Variants in ARHGAP42 observed in about 807,000 individuals in gnomAD.
ARHGAP42 encodes the protein rho GTPase-activating protein 42.
Under a neutral mutation model 125.0 loss-of-function variants are expected in ARHGAP42, and 63 were observed. The observed-to-expected ratio is 0.50, with a 90% CI of 0.41 to 0.62. The LOEUF is 0.62. Among genes scored for constraint, ARHGAP42 ranks in the 20% least tolerant of loss-of-function variants. The pLI is 0.00. For missense variants in ARHGAP42, 766 were observed against 1,024.2 expected (o/e 0.75, Z 3.44); for synonymous variants, 339 against 351.0 (o/e 0.97, Z 0.38).
At position 100,924,473 on chromosome 11, in the gene ARHGAP42, C is replaced by G. The variant is rs555801058; in HGVS notation, c.597+2869C>G. Reference sequence around the variant, plus strand: ...CTTGAGGTCAGGAGTTCGAGACCAGCCTGACCTATATGGTGAAACCCCGTC... The same window carrying G: ...CTTGAGGTCAGGAGTTCGAGACCAGGCTGACCTATATGGTGAAACCCCGTC... On this transcript the variant is annotated intron_variant, in intron 6 of 23. Coordinates refer to ENST00000298815, the MANE Select transcript of ARHGAP42 (RefSeq NM_152432.4). 1.9e-3 allele frequency among the ~76,000 whole-genome samples: 282 copies of G among 151,908 alleles called. 3 individuals are homozygous for G. Among genetic ancestry groups the G allele is most frequent in the African/African-American group, 6.4e-3 (266 of 41,328 alleles).
At chr11:100,797,244 T>C (rs1228623972) in intron 3 of ARHGAP42, among the ~76,000 whole-genome samples, 4 of 152,180 alleles carry the variant, frequency 2.6e-5, no homozygotes, top group African/African-American at 9.7e-5. Flanking sequence ...ATCCAAAAGA[T>C]CTGGCTGAGA....
chr11:100,986,340 T>C (rs1412582071), intron 22 of ARHGAP42: 3 of 295,864 alleles, frequency 1.0e-5, no homozygotes, highest in Admixed American at 9.5e-5. Flanking sequence ...GACATGGACA[T>C]AGCTGGCCTG....
intron 10 of ARHGAP42, among the ~76,000 whole-genome samples, chr11:100,945,353 T>TA (rs1867987827): frequency 6.6e-6 from 1 of 152,076 alleles, no homozygotes; most frequent in African/African-American, 2.4e-5. Flanking sequence ...AAACTGCTGT[T>TA]AATGTGGATA....
Position 100,705,016 on chromosome 11 carries a change from A to C in ARHGAP42, c.154+17184A>C, listed in dbSNP as rs59496430. Among the ~76,000 whole-genome samples the C allele has an allele frequency of 7.2e-3, 474 of 66,056 alleles. 2 individuals are homozygous for C. Among genetic ancestry groups the C allele is most frequent in the East Asian group, 0.051 (99 of 1,936 alleles). 43.3% of individuals were successfully genotyped at this position (66,056 alleles called of 152,430 possible). A position where few individuals can be genotyped will look rare whatever the true frequency, so the allele number is the denominator to read the frequency against. On this transcript the variant is annotated intron_variant, in intron 1 of 23. Coordinates refer to ENST00000298815, the MANE Select transcript of ARHGAP42 (RefSeq NM_152432.4). Reference sequence around the variant, plus strand: ...CAAACCCCAACAACAACAACAACAAAAAAAAAAAAAAAAAAAAGAGAGAAG... The same window carrying C: ...CAAACCCCAACAACAACAACAACAACAAAAAAAAAAAAAAAAAGAGAGAAG...
chr11:100,826,957 T>G lies in ARHGAP42; in HGVS notation c.312+31791T>G, dbSNP rs185893048. On this transcript the variant is annotated intron_variant, in intron 3 of 23. Transcript: ENST00000298815. The stretch of plus-strand genomic sequence containing the variant: ...GAGGGTGGCAACGGGGAAAGAATTT[T>G]GTGAGAAGGGTTTTTTGGGTGAATT... 1.4e-3 allele frequency among the ~76,000 whole-genome samples: 219 copies of G among 151,950 alleles called. 2 individuals are homozygous for G. Among genetic ancestry groups the G allele is most frequent in the African/African-American group, 5.2e-3 (214 of 41,442 alleles).
rs559186620 is a variant in ARHGAP42 at position 100,864,617 on chromosome 11, C to T, written c.384+4992C>T. The stretch of plus-strand genomic sequence containing the variant: ...AAGGAGGCCAAAGGCTCATCTTCCA[C>T]ATATAGATGTGTATTATACAGAAAC... On this transcript the variant is annotated intron_variant, in intron 4 of 23. Coordinates refer to ENST00000298815, the MANE Select transcript of ARHGAP42 (RefSeq NM_152432.4). 5.3e-5 allele frequency among the ~76,000 whole-genome samples: 8 copies of T among 152,278 alleles called. No homozygotes were observed. The South Asian group carries it at 6.2e-4, about 12-fold the overall frequency.
intron 3 of ARHGAP42, among the ~76,000 whole-genome samples, chr11:100,850,077 G>C (rs902810714): frequency 6.6e-6 from 1 of 152,022 alleles, no homozygotes; most frequent in Non-Finnish European, 1.5e-5. Context: ...CATTTCATAA[G>C]CCAAGAACAA....
chr11:100,813,601 A>G lies in ARHGAP42; in HGVS notation c.312+18435A>G, dbSNP rs374407237. On this transcript the variant is annotated intron_variant, in intron 3 of 23. Transcript: ENST00000298815. ...TGAATGAGATTATGCAGAGAGTGAG[A>G]GTGAATTAGGTGATGAGCTCCTTTG... Among the ~76,000 whole-genome samples the G allele has an allele frequency of 3.0e-4, 45 of 152,256 alleles. 2 individuals are homozygous for G. The East Asian group carries it at 6.2e-3, about 21-fold the overall frequency.
At chr11:100,717,130 G>A (rs1314568408) in intron 1 of ARHGAP42, among the ~76,000 whole-genome samples, 2 of 152,118 alleles carry the variant, frequency 1.3e-5, no homozygotes, top group African/African-American at 4.8e-5. Context: ...ATGCAAGAAG[G>A]GAAGGAGTGA....
chr11:100,946,792 A>G (rs935899135), intron 10 of ARHGAP42, among the ~76,000 whole-genome samples: 3 of 152,090 alleles, frequency 2.0e-5, no homozygotes, highest in Admixed American at 6.6e-5. Context: ...AAATATTGCA[A>G]GAATCACCAA....
chr11:100,876,820 T>C (rs1865833291), intron 4 of ARHGAP42, among the ~76,000 whole-genome samples: 1 of 152,232 alleles, frequency 6.6e-6, no homozygotes, highest in Admixed American at 6.5e-5. Flanking sequence ...TTCTTACTGT[T>C]CTGTATTTAG....
intron 2 of ARHGAP42, among the ~76,000 whole-genome samples, chr11:100,775,458 A>T (rs1017648493): frequency 6.6e-6 from 1 of 152,234 alleles, no homozygotes; most frequent in Non-Finnish European, 1.5e-5. Flanking sequence ...TACCCATTGC[A>T]TCAGTCCTGG....
At chr11:100,754,959 A>C (rs769920446) in intron 1 of ARHGAP42, among the ~76,000 whole-genome samples, 4 of 152,196 alleles carry the variant, frequency 2.6e-5, no homozygotes, top group Non-Finnish European at 5.9e-5. Flanking sequence ...GGAGGACTTT[A>C]CTCTGGATGC....
intron 3 of ARHGAP42, among the ~76,000 whole-genome samples, chr11:100,857,269 C>A (rs1865343249): frequency 6.6e-6 from 1 of 151,970 alleles, no homozygotes; most frequent in East Asian, 1.9e-4. Context: ...GGAAAAATAA[C>A]CCAAGAAATG....
intron 6 of ARHGAP42, among the ~76,000 whole-genome samples, chr11:100,930,096 C>T (rs1867532694): frequency 6.6e-6 from 1 of 152,204 alleles, no homozygotes; most frequent in Non-Finnish European, 1.5e-5. Flanking sequence ...GTATTCAAAC[C>T]TATTCCGTCT....
At chr11:100,908,364 T>C (rs1344649112) in intron 4 of ARHGAP42, among the ~76,000 whole-genome samples, 2 of 152,190 alleles carry the variant, frequency 1.3e-5, no homozygotes, top group African/African-American at 4.8e-5. Flanking sequence ...TAGTGTTCAT[T>C]GTACCCAACA....
intron 1 of ARHGAP42, among the ~76,000 whole-genome samples, chr11:100,691,847 C>T (rs1191744116): frequency 1.3e-5 from 2 of 152,094 alleles, no homozygotes; most frequent in African/African-American, 2.4e-5. Context: ...AGTGTTCTAA[C>T]CACACACACA....
chr11:100,892,151 A>C (rs1469443556), intron 4 of ARHGAP42, among the ~76,000 whole-genome samples: 1 of 152,234 alleles, frequency 6.6e-6, no homozygotes, highest in Admixed American at 6.5e-5. Context: ...GTGGCTTTGG[A>C]AACTGTTTAT....
intron 3 of ARHGAP42, among the ~76,000 whole-genome samples, chr11:100,795,486 T>C (rs1261013528): frequency 6.6e-6 from 1 of 152,168 alleles, no homozygotes; most frequent in Non-Finnish European, 1.5e-5. Context: ...TTAGAGGTTA[T>C]AACAACCTCA....
Sources: allele counts gnomAD v4.1 joint callset (sites outside exome capture counted in the v4.1 genomes callset), GRCh38; gene constraint gnomAD v4.1.1; transcripts MANE v1.5; gene names NCBI Gene and HGNC (gene_info 2026-07-23, HGNC 2026-07-21).